The following GLO1 variants were observed in gnomAD, a reference collection of about 807,000 sequenced individuals.
The protein encoded by GLO1 is lactoylglutathione lyase.
In GLO1, 28 loss-of-function variants were observed where a neutral mutation model predicts 26.0. The observed-to-expected ratio is 1.08, with a 90% CI of 0.80 to 1.48. GLO1 has a LOEUF of 1.48. Among genes scored for constraint, GLO1 ranks in the 40% most tolerant of loss-of-function variants. The pLI is 0.00. For missense variants in GLO1, 225 were observed against 224.8 expected, an observed-to-expected ratio of 1.00 and a Z score of -0.01; for synonymous variants, 78 against 77.6, an observed-to-expected ratio of 1.00 and a Z score of -0.03.
rs1761243562 is a variant in GLO1 at position 38,676,395 on chromosome 6, A to G, written c.*900T>C. 6.6e-6 allele frequency: 1 copy of G among 152,108 alleles called. No individual in the cohort carries two copies. The highest frequency in any genetic ancestry group is 1.9e-4 in the East Asian group (1 of 5,198). The allele number at this position is 152,108 out of a possible 1,614,324, so 9.4% of individuals were successfully genotyped here. ...TTTGTACTAAAGACTTCTAGTGTTTACTCCCTCACCACGGTACTCCAGCCC... is the reference window on the plus strand; with the variant it reads ...TTTGTACTAAAGACTTCTAGTGTTTGCTCCCTCACCACGGTACTCCAGCCC... On this transcript the variant is annotated 3_prime_UTR_variant, in exon 6 of 6. Coordinates refer to ENST00000373365, the MANE Select transcript of GLO1 (RefSeq NM_006708.3).
intron 1 of GLO1, 88 bp from the exon 2 acceptor site, chr6:38,687,062 C>G: frequency 6.6e-7 from 1 of 1,512,250 alleles, no homozygotes; most frequent in Non-Finnish European, 8.9e-7. Flanking sequence ...GATACAAACA[C>G]AATTGTTAAC....
chr6:38,678,159 T>C (rs1761295607), intron 5 of GLO1, among the ~76,000 whole-genome samples: 2 of 152,150 alleles, frequency 1.3e-5, no homozygotes, highest in South Asian at 4.1e-4. Context: ...ATTGAGAGTC[T>C]AGTATGTCAG....
chr6:38,694,278 G>A (rs1761577238), intron 1 of GLO1, among the ~76,000 whole-genome samples: 1 of 152,128 alleles, frequency 6.6e-6, no homozygotes, highest in Admixed American at 6.5e-5. Context: ...TTCTGTTGTT[G>A]TTCGGTAGAA....
At chr6:38,682,729 G>T (rs919768079) in intron 4 of GLO1, 79 bp downstream of exon 4, 2 of 731,356 alleles carry the variant, frequency 2.7e-6, no homozygotes, top group Non-Finnish European at 4.8e-6. Context: ...AATGTTTTAG[G>T]TTTATTAAAA....
intron 5 of GLO1, among the ~76,000 whole-genome samples, chr6:38,679,944 C>G (rs1761346843): frequency 6.6e-6 from 1 of 152,080 alleles, no homozygotes. Flanking sequence ...AGAACAGATA[C>G]ATTTGGGAGA....
Position 38,680,488 on chromosome 6 carries a change from T to C in GLO1, c.466+1524A>G, listed in dbSNP as rs191404750. Among the ~76,000 whole-genome samples the C allele has an allele frequency of 9.7e-3, 1,471 of 152,234 alleles. 9 individuals are homozygous for C. The highest frequency in any genetic ancestry group is 0.061 in the Middle Eastern group (18 of 294). ...GTGAGCCAAGACCGTGCCATTGCACTCCAACCTGGGCAACAAGAGCGAAAC... is the reference window on the plus strand; with the variant it reads ...GTGAGCCAAGACCGTGCCATTGCACCCCAACCTGGGCAACAAGAGCGAAAC... On this transcript the variant is annotated intron_variant, in intron 5 of 5. Coordinates refer to ENST00000373365, the MANE Select transcript of GLO1 (RefSeq NM_006708.3).
intron 1 of GLO1, among the ~76,000 whole-genome samples, chr6:38,693,683 C>CTATA (rs1287585297): frequency 0.015 from 1,273 of 82,280 alleles, 6 homozygotes; most frequent in Admixed American, 0.021. Flanking sequence ...CTCTCTCTCT[C>CTATA]TCTATATATA....
At chr6:38,690,853 A>C (rs1761519507) in intron 1 of GLO1, among the ~76,000 whole-genome samples, 1 of 152,232 alleles carries the variant, frequency 6.6e-6, no homozygotes, top group Non-Finnish European at 1.5e-5. Context: ...AAAATGATCA[A>C]GTTATTCTAT....
intron 5 of GLO1, among the ~76,000 whole-genome samples, chr6:38,681,013 A>T (rs1055469663): frequency 6.6e-6 from 1 of 152,224 alleles, no homozygotes; most frequent in African/African-American, 2.4e-5. Context: ...TGACACAATG[A>T]GGACAGAGTG....
chr6:38,677,572 C>T (rs990492907), intron 5 of GLO1, among the ~76,000 whole-genome samples, 189 bp from the exon 6 acceptor site: 2 of 152,150 alleles, frequency 1.3e-5, no homozygotes, highest in Non-Finnish European at 2.9e-5. Context: ...CACGCACCAC[C>T]TTGCCTGGCT....
chr6:38,702,217 G>A (rs576115050), intron 1 of GLO1, among the ~76,000 whole-genome samples: 43 of 152,254 alleles, frequency 2.8e-4, no homozygotes, highest in Admixed American at 9.2e-4. Context: ...GTGAGCCACC[G>A]CGCCCGCCAA....
intron 4 of GLO1, among the ~76,000 whole-genome samples, chr6:38,682,424 G>A (rs894509588): frequency 1.9e-4 from 29 of 152,222 alleles, no homozygotes; most frequent in African/African-American, 7.0e-4. Flanking sequence ...TTTGTGGTTG[G>A]CATTGACTAT....
chr6:38,691,336 C>A (rs998519245), intron 1 of GLO1, among the ~76,000 whole-genome samples: 4 of 151,216 alleles, frequency 2.6e-5, no homozygotes, highest in African/African-American at 9.7e-5. Context: ...AAGATGGAGT[C>A]TCGCTCTGTC....
chr6:38,682,946 T>C (rs1441892127), intron 3 of GLO1, 71 bp from the exon 4 acceptor site: 3 of 911,060 alleles, frequency 3.3e-6, no homozygotes, highest in Non-Finnish European at 5.5e-6. Context: ...GTAACATCTT[T>C]GAAATCTTAC....
rs543475789 is a variant in GLO1 at position 38,682,012 on chromosome 6, C to A, written c.466G>T (p.Gly156Cys). The A allele has an allele frequency of 6.9e-7, 1 of 1,445,002 alleles. No individual in the cohort carries two copies. Among genetic ancestry groups the A allele is most frequent in the African/African-American group, 1.4e-5 (1 of 71,666 alleles). 89.5% of individuals were successfully genotyped at this position (1,445,002 alleles called of 1,614,324 possible). Reference sequence around the variant, plus strand: ...TGAACACAGTAAGTAGTAGACTCACCATCATCAGGTTTCTTCACAAATTTG... The same window carrying A: ...TGAACACAGTAAGTAGTAGACTCACAATCATCAGGTTTCTTCACAAATTTG... ...GVKFVKKPDDGKMKGLAFIQD... is the reference protein window; with the variant it reads ...GVKFVKKPDDCKMKGLAFIQD... Residue 156 changes from glycine (G) to cysteine (C), a missense_variant and splice_region_variant, in exon 5 of 6, where the codon GGT becomes TGT. By Grantham distance (159) the Gly-to-Cys change is radical (BLOSUM62 -3). Coordinates refer to ENST00000373365, the MANE Select transcript of GLO1 (RefSeq NM_006708.3).
chr6:38,676,685 C>A lies in GLO1; in HGVS notation c.*610G>T, dbSNP rs9470916. On this transcript the variant is annotated 3_prime_UTR_variant, in exon 6 of 6. Coordinates refer to ENST00000373365, the MANE Select transcript of GLO1 (RefSeq NM_006708.3). ...GCAGCCTAGCCCAGTGTCTGGGTAC[C>A]ATATCATTTCCTTCCTCCTCCCCTT... The A allele has an allele frequency of 0.06, 9,161 of 152,150 alleles. 655 individuals carry two copies. Among genetic ancestry groups the A allele is most frequent in the East Asian group, 0.23 (1,177 of 5,166 alleles). The allele number at this position is 152,150 out of a possible 1,614,324, so 9.4% of individuals were successfully genotyped here. A position where few individuals can be genotyped will look rare whatever the true frequency, so the allele number is the denominator to read the frequency against.
At chr6:38,700,274 G>C (rs1447409875) in intron 1 of GLO1, among the ~76,000 whole-genome samples, 2 of 152,226 alleles carry the variant, frequency 1.3e-5, no homozygotes, top group African/African-American at 4.8e-5. Flanking sequence ...CATGTACTCT[G>C]CTGGAATCCT....
chr6:38,689,435 T>C (rs1228728125), intron 1 of GLO1, among the ~76,000 whole-genome samples: 5 of 152,350 alleles, frequency 3.3e-5, no homozygotes, highest in African/African-American at 9.6e-5. Context: ...AACATTAGTA[T>C]TGGTACTTTA....
At chr6:38,697,685 G>C (rs1409525443) in intron 1 of GLO1, among the ~76,000 whole-genome samples, 2 of 152,160 alleles carry the variant, frequency 1.3e-5, no homozygotes, top group African/African-American at 2.4e-5. Flanking sequence ...TTAACGAAAA[G>C]TCAAATTTTC....
Sources: gnomAD v4.1 joint callset for allele counts (sites outside exome capture counted in the v4.1 genomes callset) on GRCh38, gnomAD v4.1.1 for gene constraint, MANE v1.5 for transcripts, NCBI Gene and HGNC (gene_info 2026-07-23, HGNC 2026-07-21) for gene names.